Variants in PCNP observed in about 807,000 individuals in gnomAD.
PCNP encodes PEST proteolytic signal-containing nuclear protein.
A neutral mutation model predicts 21.8 loss-of-function variants in PCNP; 6 were observed. The observed-to-expected ratio is 0.28, with a 90% CI of 0.15 to 0.54. PCNP has a LOEUF of 0.54. Among genes scored for constraint, PCNP ranks in the 20% least tolerant of loss-of-function variants. The pLI is 0.95. For missense variants in PCNP, 161 were observed against 215.5 expected, an observed-to-expected ratio of 0.75 and a Z score of 1.58; for synonymous variants, 67 against 73.2, an observed-to-expected ratio of 0.92 and a Z score of 0.43.
intron 1 of PCNP, among the ~76,000 whole-genome samples, chr3:101,574,632 A>G (rs1179831837): frequency 6.6e-6 from 1 of 152,194 alleles, no homozygotes; most frequent in African/African-American, 2.4e-5. Context: ...CACATCACAC[A>G]AAACACACAC....
chr3:101,579,410 G>A (rs150684356), intron 1 of PCNP, among the ~76,000 whole-genome samples: 185 of 152,208 alleles, frequency 1.2e-3, no homozygotes, highest in African/African-American at 2.8e-3. Flanking sequence ...TTATTTTACC[G>A]TGTGACCAAT....
rs1413680838 is a variant in PCNP at position 101,593,788 on chromosome 3, C to A, written c.*1035C>A. 1.3e-5 allele frequency: 2 copies of A among 152,482 alleles called. No individual in the cohort carries two copies. Among genetic ancestry groups the A allele is most frequent in the African/African-American group, 2.4e-5 (1 of 41,410 alleles). The allele number at this position is 152,482 out of a possible 1,614,324, so 9.4% of individuals were successfully genotyped here. Reference sequence around the variant, plus strand: ...AAAATTATATGGTTTATTTTAAATGCGTACATATTGACCAATGGCCTCTGA... The same window carrying A: ...AAAATTATATGGTTTATTTTAAATGAGTACATATTGACCAATGGCCTCTGA... On this transcript the variant is annotated 3_prime_UTR_variant, in exon 5 of 5. Transcript: ENST00000265260.
rs911681649 is a variant in PCNP at position 101,579,929 on chromosome 3, C to A, written c.204C>A (p.Ile68=). Reference sequence around the variant, plus strand: ...ACCTCCCAACAAAGCCTACAAAGATCTCCAAGTTTGGATTTGCCATAGGTA... The same window carrying A: ...ACCTCCCAACAAAGCCTACAAAGATATCCAAGTTTGGATTTGCCATAGGTA... ...AADLPTKPTK[I]SKFGFAIGSQ... The change falls in exon 2 of 5, where the codon ATC becomes ATA. Residue 68 remains isoleucine, a synonymous_variant. Transcript: ENST00000265260. 1 of 1,613,976 alleles carries A rather than the reference C, an allele frequency of 6.2e-7. No homozygotes were observed. Among genetic ancestry groups the A allele is most frequent in the African/African-American group, 1.3e-5 (1 of 74,934 alleles).
rs894456318 is a variant in PCNP, at chr3:101,582,041, A to G, written c.279+2037A>G. On this transcript the variant is annotated intron_variant, in intron 2 of 4. Coordinates refer to ENST00000265260, the MANE Select transcript of PCNP (RefSeq NM_020357.3). Reference sequence around the variant, plus strand: ...AGGTGTGAGCCACCACGCCCGGCCTACTCTTTCTAAATAATTGACATGATT... The same window carrying G: ...AGGTGTGAGCCACCACGCCCGGCCTGCTCTTTCTAAATAATTGACATGATT... Among the ~76,000 whole-genome samples the G allele has an allele frequency of 6.7e-5, 10 of 148,544 alleles. No individual in the cohort carries two copies. The East Asian group carries it at 1.8e-3, about 27-fold the overall frequency.
At position 101,583,546 on chromosome 3, in the gene PCNP, G is replaced by T. The variant is rs553115957; in HGVS notation, c.280-1891G>T. On this transcript the variant is annotated intron_variant, in intron 2 of 4. Coordinates refer to ENST00000265260, the MANE Select transcript of PCNP (RefSeq NM_020357.3). ...TGGGAGGATCACTTGAGCCAGGGAGGTCGAGGCTGCAGTGAGACAAGATTG... is the reference window on the plus strand; with the variant it reads ...TGGGAGGATCACTTGAGCCAGGGAGTTCGAGGCTGCAGTGAGACAAGATTG... 3.9e-5 allele frequency among the ~76,000 whole-genome samples: 6 copies of T among 152,296 alleles called. No homozygotes were observed. In the South Asian group the frequency reaches 1.2e-3, roughly 32 times the overall value.
chr3:101,579,546 ACT>A (rs1191223183), intron 1 of PCNP: 2 of 641,290 alleles, frequency 3.1e-6, no homozygotes, highest in African/African-American at 3.6e-5. Context: ...CTTTTTGTGA[ACT>A]CTGTGTTTAT....
At chr3:101,590,069 T>C (rs1461998590) in intron 3 of PCNP, 146 bp from the exon 4 acceptor site, 3 of 638,226 alleles carry the variant, frequency 4.7e-6, no homozygotes, top group African/African-American at 3.7e-5. Flanking sequence ...GTAGTTAAGG[T>C]AAATAACTCA....
upstream of PCNP, chr3:101,574,152 G>A: frequency 6.5e-7 from 1 of 1,528,752 alleles, no homozygotes; most frequent in Non-Finnish European, 8.8e-7. Flanking sequence ...CCAAAAACTC[G>A]ATGGTTGTTG....
At chr3:101,585,797 A>G (rs1439585606) in intron 3 of PCNP, among the ~76,000 whole-genome samples, 1 of 152,194 alleles carries the variant, frequency 6.6e-6, no homozygotes, top group Non-Finnish European at 1.5e-5. Flanking sequence ...AAAAAAAGAA[A>G]AATCTAATAC....
At chr3:101,577,300 A>T (rs952181025) in intron 1 of PCNP, among the ~76,000 whole-genome samples, 6 of 152,196 alleles carry the variant, frequency 3.9e-5, no homozygotes, top group African/African-American at 1.4e-4. Context: ...AGTCATACAT[A>T]ATCATGGCCA....
intron 3 of PCNP, 194 bp from the exon 4 acceptor site, chr3:101,590,021 A>C: frequency 1.9e-6 from 1 of 536,452 alleles, no homozygotes; most frequent in Non-Finnish European, 3.3e-6. Context: ...CTTTATGCAA[A>C]ATCAGCACCG....
At chr3:101,574,354 T>C in intron 1 of PCNP, 75 bp downstream of exon 1, 1 of 514,348 alleles carries the variant, frequency 1.9e-6, no homozygotes, top group Non-Finnish European at 3.1e-6. Context: ...GTGGGGGGAG[T>C]GGGGTGGGGC....
chr3:101,590,393 C>T lies in PCNP; in HGVS notation c.410+123C>T, dbSNP rs192100559. On this transcript the variant is annotated intron_variant, in intron 4 of 4. Coordinates refer to ENST00000265260, the MANE Select transcript of PCNP (RefSeq NM_020357.3). ...ATTTGGGCAGAACAGTTTTTAAAAGCATGTTCTGTGTACTAGATGATTAAT... is the reference window on the plus strand; with the variant it reads ...ATTTGGGCAGAACAGTTTTTAAAAGTATGTTCTGTGTACTAGATGATTAAT... 129 of 629,778 alleles carry T rather than the reference C, an allele frequency of 2.0e-4. No individual in the cohort carries two copies. The highest frequency in any genetic ancestry group is 1.9e-3 in the African/African-American group (101 of 54,212). The allele number at this position is 629,778 out of a possible 1,614,324, so 39.0% of individuals were successfully genotyped here. A position where few individuals can be genotyped will look rare whatever the true frequency, so the allele number is the denominator to read the frequency against.
Position 101,593,735 on chromosome 3 carries a change from GAACTT to G in PCNP, c.*987_*991del, listed in dbSNP as rs1255532198. 1 of 152,502 alleles carries G rather than the reference GAACTT, an allele frequency of 6.6e-6. No individual in the cohort carries two copies. Among genetic ancestry groups the G allele is most frequent in the Admixed American group, 6.6e-5 (1 of 15,234 alleles). 9.4% of individuals were successfully genotyped at this position (152,502 alleles called of 1,614,324 possible). A position where few individuals can be genotyped will look rare whatever the true frequency, so the allele number is the denominator to read the frequency against. On this transcript the variant is annotated 3_prime_UTR_variant, in exon 5 of 5. Transcript: ENST00000265260. ...TAACTTATGAACTCCAATTTGAATT[GAACTT>G]AACTATCGGCTTTCTTACTGGTAAA...
Position 101,574,230 on chromosome 3 carries a change from G to C in PCNP, c.15G>C (p.Lys5Asn). 6.5e-7 allele frequency: 1 copy of C among 1,549,852 alleles called. No homozygotes were observed. Among genetic ancestry groups the C allele is most frequent in the Non-Finnish European group, 8.7e-7 (1 of 1,145,996 alleles). The change falls in exon 1 of 5, where the codon AAG becomes AAC. Residue 5 changes from lysine to asparagine, a missense_variant. Lys to Asn is a moderately conservative substitution (Grantham distance 94, BLOSUM62 0). Transcript: ENST00000265260. MADG[K>N]AGDEKPEKSQ... Reference sequence around the variant, plus strand: ...CGGCGGGGAAAATGGCGGACGGGAAGGCGGGAGACGAGAAGCCTGAAAAGT... The same window carrying C: ...CGGCGGGGAAAATGGCGGACGGGAACGCGGGAGACGAGAAGCCTGAAAAGT...
intron 3 of PCNP, chr3:101,589,809 T>C (rs573039831): frequency 5.1e-6 from 1 of 197,552 alleles, no homozygotes. Context: ...CAAACTCTTT[T>C]GCTATTCATT....
At chr3:101,575,848 C>G (rs1428143144) in intron 1 of PCNP, among the ~76,000 whole-genome samples, 1 of 152,086 alleles carries the variant, frequency 6.6e-6, no homozygotes, top group East Asian at 1.9e-4. Context: ...ATTGATGTTT[C>G]CATTTTAGCA....
rs1184383229 is a variant in PCNP at position 101,589,567 on chromosome 3, C to T, written c.355-648C>T. ...CTGGGATTACAGGCACGCGCCACCA[C>T]ACCTGGCCAATTTTTTATACTTTTG... On this transcript the variant is annotated intron_variant, in intron 3 of 4. Coordinates refer to ENST00000265260, the MANE Select transcript of PCNP (RefSeq NM_020357.3). Among the ~76,000 whole-genome samples, 5 of 152,108 alleles carry T rather than the reference C, an allele frequency of 3.3e-5. No homozygotes were observed. In the East Asian group the frequency reaches 9.6e-4, roughly 29 times the overall value.
At chr3:101,586,229 T>G (rs1283513388) in intron 3 of PCNP, among the ~76,000 whole-genome samples, 2 of 147,836 alleles carry the variant, frequency 1.4e-5, no homozygotes, top group Non-Finnish European at 3.0e-5. Context: ...CCCATATCCC[T>G]AGGAGGGATA....
Sources: gnomAD v4.1 joint callset for allele counts (sites outside exome capture counted in the v4.1 genomes callset) on GRCh38, gnomAD v4.1.1 for gene constraint, MANE v1.5 for transcripts, NCBI Gene and HGNC (gene_info 2026-07-23, HGNC 2026-07-21) for gene names.